The following C12orf56 variants were observed in gnomAD, a reference collection of about 807,000 sequenced individuals.
C12orf56 encodes the protein uncharacterized protein C12orf56.
Under a neutral mutation model 69.9 loss-of-function variants are expected in C12orf56, and 71 were observed. That is an observed-to-expected ratio of 1.02 (90% CI 0.84 to 1.24). C12orf56 has a LOEUF of 1.24. Among genes scored for constraint, C12orf56 ranks in the 50% most tolerant of loss-of-function variants. C12orf56 has a pLI of 0.00. For missense variants in C12orf56, 732 were observed against 738.5 expected, an observed-to-expected ratio of 0.99 and a Z score of 0.10; for synonymous variants, 276 against 274.1, an observed-to-expected ratio of 1.01 and a Z score of -0.07.
chr12:64,365,708 T>C (rs528160746), intron 1 of C12orf56, among the ~76,000 whole-genome samples: 177 of 144,798 alleles, frequency 1.2e-3, no homozygotes, highest in African/African-American at 4.4e-3. Flanking sequence ...TAATACAATA[T>C]ATAGTTTATA....
intron 1 of C12orf56, among the ~76,000 whole-genome samples, chr12:64,386,627 C>T (rs2039794764): frequency 6.6e-6 from 1 of 151,910 alleles, no homozygotes; most frequent in Non-Finnish European, 1.5e-5. Flanking sequence ...AACTCCCAAC[C>T]TCAGGTGATC....
chr12:64,363,780 T>C (rs2039428818), intron 1 of C12orf56, among the ~76,000 whole-genome samples: 1 of 152,222 alleles, frequency 6.6e-6, no homozygotes, highest in Non-Finnish European at 1.5e-5. Flanking sequence ...TTTGGATCTT[T>C]TTAATAATGT....
chr12:64,305,241 T>C (rs1592436152), intron 5 of C12orf56, among the ~76,000 whole-genome samples: 1 of 151,424 alleles, frequency 6.6e-6, no homozygotes, highest in African/African-American at 2.4e-5. Context: ...AAATGAAGAC[T>C]GAGGTCAGAA....
At chr12:64,342,178 C>G (rs982865568) in intron 2 of C12orf56, among the ~76,000 whole-genome samples, 2 of 152,222 alleles carry the variant, frequency 1.3e-5, no homozygotes, top group African/African-American at 4.8e-5. Context: ...AATGCTTCTT[C>G]TGGAAGCTTC....
At chr12:64,297,570 TC>T (rs2038383557) in intron 6 of C12orf56, among the ~76,000 whole-genome samples, 1 of 152,112 alleles carries the variant, frequency 6.6e-6, no homozygotes, top group Non-Finnish European at 1.5e-5. Flanking sequence ...TGTGTGATGT[TC>T]CCCTCCCTGT....
At chr12:64,332,177 G>A (rs540450073) in intron 2 of C12orf56, among the ~76,000 whole-genome samples, 7 of 151,886 alleles carry the variant, frequency 4.6e-5, no homozygotes, top group African/African-American at 1.7e-4. Context: ...GGTAGGGTGG[G>A]CCTGTAGTCC....
chr12:64,289,167 A>T (rs2038253015), intron 6 of C12orf56, among the ~76,000 whole-genome samples: 1 of 113,126 alleles, frequency 8.8e-6, no homozygotes, highest in Non-Finnish European at 1.9e-5. Context: ...TTGTTGGTGT[A>T]TAAGAATGCT....
chr12:64,367,179 AT>A (rs1443244293), intron 1 of C12orf56, among the ~76,000 whole-genome samples: 1 of 36,058 alleles, frequency 2.8e-5, no homozygotes, highest in Non-Finnish European at 7.3e-5. Context: ...CAGTTTATAT[AT>A]TATATAACAT....
chr12:64,361,373 C>T (rs1253919310), intron 1 of C12orf56, among the ~76,000 whole-genome samples: 2 of 152,106 alleles, frequency 1.3e-5, no homozygotes, highest in African/African-American at 4.8e-5. Context: ...GGGCCACATT[C>T]CCAGGAGGTT....
intron 8 of C12orf56, 149 bp from the exon 9 acceptor site, chr12:64,277,952 G>A (rs992603877): frequency 3.3e-5 from 15 of 460,976 alleles, no homozygotes; most frequent in East Asian, 1.2e-4. Context: ...CCTTGGACAC[G>A]CAAATGAATA....
Position 64,390,485 on chromosome 12 carries a change from G to T in C12orf56, c.81C>A (p.Pro27=). ...LDVFLRRHLP[P]EVYDAVRAYE... is the part of the protein sequence containing the mutation. ...AGGCGCGGACCGCGTCGTAGACCTC[G>T]GGCGGCAGATGCCGCCGCAGGAACA... Residue 27 remains proline, a synonymous_variant, in exon 1 of 13, where the codon CCC becomes CCA. Coordinates refer to ENST00000543942, the MANE Select transcript of C12orf56 (RefSeq NM_001170633.2). 6.2e-7 allele frequency: 1 copy of T among 1,603,854 alleles called. No individual in the cohort carries two copies. Among genetic ancestry groups the T allele is most frequent in the Non-Finnish European group, 8.5e-7 (1 of 1,179,578 alleles).
chr12:64,308,702 G>A (rs2038549159), intron 5 of C12orf56, among the ~76,000 whole-genome samples: 1 of 151,346 alleles, frequency 6.6e-6, no homozygotes, highest in Non-Finnish European at 1.5e-5. Flanking sequence ...AATTAGCAGG[G>A]CGTGGTGGTG....
At chr12:64,310,688 C>A (rs2038595429) in intron 5 of C12orf56, among the ~76,000 whole-genome samples, 1 of 150,998 alleles carries the variant, frequency 6.6e-6, no homozygotes, top group African/African-American at 2.4e-5. Context: ...ATGTTTCAGT[C>A]ATCTCATTTC....
chr12:64,312,312 G>A (rs936628126), intron 5 of C12orf56, among the ~76,000 whole-genome samples: 1 of 152,110 alleles, frequency 6.6e-6, no homozygotes, highest in Non-Finnish European at 1.5e-5. Context: ...ACAGAGTTAG[G>A]GGAGGCAAAG....
intron 8 of C12orf56, among the ~76,000 whole-genome samples, chr12:64,281,310 C>A (rs2038123712): frequency 6.6e-6 from 1 of 151,462 alleles, no homozygotes; most frequent in Non-Finnish European, 1.5e-5. Flanking sequence ...GTGGCTCATG[C>A]CTATAATCCT....
intron 4 of C12orf56, among the ~76,000 whole-genome samples, chr12:64,314,336 T>G (rs1425432469): frequency 6.6e-6 from 1 of 152,006 alleles, no homozygotes; most frequent in East Asian, 1.9e-4. Context: ...CAAGCGATCC[T>G]CCCCTCTGAA....
chr12:64,318,416 C>A (rs987814906), intron 4 of C12orf56, among the ~76,000 whole-genome samples, 159 bp downstream of exon 4: 13 of 152,126 alleles, frequency 8.5e-5, no homozygotes, highest in Admixed American at 7.9e-4. Flanking sequence ...TAAATAAAAT[C>A]ATCTCCTTAA....
intron 2 of C12orf56, among the ~76,000 whole-genome samples, chr12:64,342,192 T>G (rs2039082786): frequency 6.6e-6 from 1 of 152,234 alleles, no homozygotes; most frequent in South Asian, 2.1e-4. Context: ...AAGCTTCTTC[T>G]GGCAGTCCCT....
At chr12:64,282,253 A>G (rs1232436024) in intron 8 of C12orf56, among the ~76,000 whole-genome samples, 1 of 152,058 alleles carries the variant, frequency 6.6e-6, no homozygotes, top group African/African-American at 2.4e-5. Context: ...GCTGTAAAGC[A>G]GAGCTCAGCA....
Sources: gnomAD v4.1 joint callset for allele counts (sites outside exome capture counted in the v4.1 genomes callset) on GRCh38, gnomAD v4.1.1 for gene constraint, MANE v1.5 for transcripts, NCBI Gene and HGNC (gene_info 2026-07-23, HGNC 2026-07-21) for gene names.